Variants in ZNF787 observed in about 807,000 individuals in gnomAD.
ZNF787 encodes the protein zinc finger protein 787, also known as TTF-I-interacting peptide 20.
In ZNF787, 7 loss-of-function variants were observed where a neutral mutation model predicts 16.9. The observed-to-expected ratio is 0.42, with a 90% confidence interval of 0.24 to 0.78. The LOEUF is 0.78. Ranked by LOEUF, ZNF787 falls within the 30% of genes least tolerant of loss-of-function variation. The probability of loss-of-function intolerance (pLI) is 0.30; values close to 1 mark genes in which losing one functional copy is unlikely to be tolerated. For synonymous variants in ZNF787, 345 were observed against 270.9 expected, an observed-to-expected ratio of 1.27 and a Z score of -2.69; for missense variants, 551 against 589.3, an observed-to-expected ratio of 0.94 and a Z score of 0.67.
chr19:56,089,529 T>G (rs1482567592), intron 2 of ZNF787, among the ~76,000 whole-genome samples: 2 of 152,148 alleles, frequency 1.3e-5, no homozygotes, highest in Non-Finnish European at 2.9e-5. Context: ...AATGCAGCCC[T>G]GGACACCTGG....
rs1262610448 is a variant in ZNF787, at chr19:56,088,183, G to A, written c.989C>T (p.Ala330Val). Residue 330 changes from alanine (A) to valine (V), a missense_variant, in exon 3 of 3, where the codon GCC (alanine) becomes GTC (valine). Physicochemically the swap from Ala to Val is moderately conservative, Grantham distance 64. Transcript: ENST00000610935. This position sits in a 1 kb window ranked among gnomAD's most constrained non-coding sequence, Gnocchi z 8.6. ...VECGEGFVQG[A>V]ALRRHKKIHA... The stretch of plus-strand genomic sequence containing the variant: ...GATCTTCTTGTGTCTCCGGAGCGCG[G>A]CGCCCTGCACGAAGCCCTCCCCGCA... 4 of 1,545,884 alleles carry A rather than the reference G, an allele frequency of 2.6e-6. No homozygotes were observed. Among genetic ancestry groups the A allele is most frequent in the South Asian group, 2.3e-5 (2 of 85,476 alleles).
intron 2 of ZNF787, among the ~76,000 whole-genome samples, chr19:56,093,411 A>G (rs1985739884): frequency 6.6e-6 from 1 of 152,084 alleles, no homozygotes; most frequent in Admixed American, 6.5e-5. Context: ...TCAGGGTAAC[A>G]ATGCTACTGC....
At chr19:56,110,168 C>T (rs895352755) in intron 1 of ZNF787, among the ~76,000 whole-genome samples, 1 of 152,038 alleles carries the variant, frequency 6.6e-6, no homozygotes, top group Non-Finnish European at 1.5e-5. Flanking sequence ...AAGACCAGCC[C>T]GGCCAATATG....
chr19:56,100,791 G>A (rs368564256), intron 2 of ZNF787, among the ~76,000 whole-genome samples: 2 of 148,616 alleles, frequency 1.3e-5, no homozygotes, highest in Admixed American at 6.7e-5. Context: ...GCACGTAAGC[G>A]GGACCCCACA....
At chr19:56,099,349 G>A (rs1986001917) in intron 2 of ZNF787, among the ~76,000 whole-genome samples, 1 of 152,224 alleles carries the variant, frequency 6.6e-6, no homozygotes, top group African/African-American at 2.4e-5. Flanking sequence ...GGCACGCAGG[G>A]GAGGGGACAT....
At chr19:56,092,795 ACC>A (rs1052533183) in intron 2 of ZNF787, among the ~76,000 whole-genome samples, 1 of 151,720 alleles carries the variant, frequency 6.6e-6, no homozygotes, top group Non-Finnish European at 1.5e-5. Flanking sequence ...GAACTGGGAT[ACC>A]CCATAGACGC....
rs1476277559 is a variant in ZNF787, at chr19:56,088,485, C to T, written c.687G>A (p.Ala229=). 1.0e-5 allele frequency: 14 copies of T among 1,349,516 alleles called. No homozygotes were observed. Among genetic ancestry groups the T allele is most frequent in the Admixed American group, 3.9e-5 (1 of 25,916 alleles). The allele number at this position is 1,349,516 out of a possible 1,614,324, so 83.6% of individuals were successfully genotyped here. ...RAKGPEEAVA[A]DGEIAIPVGD... Reference sequence around the variant, plus strand: ...CCACGGGGATGGCGATCTCGCCGTCCGCCGCCACCGCCTCTTCGGGCCCCT... The same window carrying T: ...CCACGGGGATGGCGATCTCGCCGTCTGCCGCCACCGCCTCTTCGGGCCCCT... Residue 229 remains alanine (A), a synonymous_variant, in exon 3 of 3, where the codon GCG becomes GCA. Coordinates refer to ENST00000610935, the MANE Select transcript of ZNF787 (RefSeq NM_001002836.4). This position sits in a 1 kb window ranked among gnomAD's most constrained non-coding sequence, Gnocchi z 8.6.
chr19:56,119,787 G>C (rs552298226), intron 1 of ZNF787, among the ~76,000 whole-genome samples: 295 of 152,380 alleles, frequency 1.9e-3, no homozygotes, highest in African/African-American at 6.8e-3. Flanking sequence ...GGCCGTGCGT[G>C]GCCGGAGGAC....
In ZNF787 at chr19:56,098,576, G is replaced by A. The variant is rs534821085; in HGVS notation, c.79+4563C>T. Among the ~76,000 whole-genome samples, 703 of 142,702 alleles carry A rather than the reference G, an allele frequency of 4.9e-3. 34 individuals carry two copies. The highest frequency in any genetic ancestry group is 0.019 in the African/African-American group (658 of 35,350). The allele number at this position is 142,702 out of a possible 152,430, so 93.6% of individuals were successfully genotyped here. Reference sequence around the variant, plus strand: ...CCGGGTGATGGAGCCTAGGTGATACGGCCACCAGGTGATTACGGCCGCAGG... The same window carrying A: ...CCGGGTGATGGAGCCTAGGTGATACAGCCACCAGGTGATTACGGCCGCAGG... On this transcript the variant is annotated intron_variant, in intron 2 of 2. Transcript: ENST00000610935.
intron 2 of ZNF787, among the ~76,000 whole-genome samples, chr19:56,096,260 A>T (rs1204910299): frequency 8.3e-4 from 86 of 103,296 alleles, no homozygotes; most frequent in African/African-American, 3.4e-3. Context: ...AAATAAAAAA[A>T]ATAAAAAAAC....
chr19:56,099,048 C>G (rs2123403492), intron 2 of ZNF787, among the ~76,000 whole-genome samples: 1 of 152,302 alleles, frequency 6.6e-6, no homozygotes, highest in African/African-American at 2.4e-5. Flanking sequence ...GAGAGGCCAC[C>G]CTGGATCTGT....
chr19:56,088,160 T>C lies in ZNF787; in HGVS notation c.1012A>G (p.Ile338Val), dbSNP rs2123384545. The change falls in exon 3 of 3, where the codon ATC (isoleucine) becomes GTC (valine). Residue 338 changes from isoleucine to valine, a missense_variant. Ile to Val is a conservative substitution (Grantham distance 29, BLOSUM62 3). Coordinates refer to ENST00000610935, the MANE Select transcript of ZNF787 (RefSeq NM_001002836.4). This position sits in a 1 kb window ranked among gnomAD's most constrained non-coding sequence, Gnocchi z 8.6. The stretch of plus-strand genomic sequence containing the variant: ...ACCGAGGGCGCGCCCACCGCGTGGA[T>C]CTTCTTGTGTCTCCGGAGCGCGGCG... ...QGAALRRHKK[I>V]HAVGAPSVCS... 1 of 1,553,934 alleles carries C rather than the reference T, an allele frequency of 6.4e-7. No individual in the cohort carries two copies. The highest frequency in any genetic ancestry group is 2.6e-5 in the East Asian group (1 of 38,644).
At chr19:56,091,533 T>TAC (rs1414092554) in intron 2 of ZNF787, among the ~76,000 whole-genome samples, 1 of 152,160 alleles carries the variant, frequency 6.6e-6, no homozygotes, top group Non-Finnish European at 1.5e-5. Flanking sequence ...ATGAGCTCTT[T>TAC]ACCTAGAACC....
At chr19:56,119,824 G>A (rs1038559216) in intron 1 of ZNF787, among the ~76,000 whole-genome samples, 3 of 152,248 alleles carry the variant, frequency 2.0e-5, no homozygotes, top group African/African-American at 4.8e-5. Context: ...AGGCAGGCAG[G>A]TGAATGTCAG....
chr19:56,093,665 T>C (rs1362495854), intron 2 of ZNF787, among the ~76,000 whole-genome samples: 1 of 152,196 alleles, frequency 6.6e-6, no homozygotes, highest in African/African-American at 2.4e-5. Flanking sequence ...GGGCTGTTGC[T>C]GGGTAGCCTG....
chr19:56,088,265 G>T lies in ZNF787; in HGVS notation c.907C>A (p.His303Asn). 7.1e-7 allele frequency: 1 copy of T among 1,417,910 alleles called. No individual in the cohort carries two copies. 87.8% of individuals were successfully genotyped at this position (1,417,910 alleles called of 1,614,324 possible). A position where few individuals can be genotyped will look rare whatever the true frequency, so the allele number is the denominator to read the frequency against. The change falls in exon 3 of 3, where the codon CAC (histidine) becomes AAC (asparagine). Residue 303 changes from histidine (H) to asparagine (N), a missense_variant. Coordinates refer to ENST00000610935, the MANE Select transcript of ZNF787 (RefSeq NM_001002836.4). The surrounding 1 kb of genome is among the most constrained non-coding windows in gnomAD (Gnocchi z 8.6). ...CCCGCCGCCCCGAGCCCGTCCCCGT[G>T]CTGGGCCCGCTGGTGCGCCAGGAGC... Reference protein sequence around the residue: ...AGLLAHQRAQHGDGLGAAGGE... With the variant: ...AGLLAHQRAQNGDGLGAAGGE...
chr19:56,114,194 G>A (rs997792042), intron 1 of ZNF787, among the ~76,000 whole-genome samples: 9 of 152,152 alleles, frequency 5.9e-5, no homozygotes, highest in African/African-American at 2.2e-4. Context: ...CCTTCCAGCT[G>A]GCCCGGATCT....
rs1341388140 is a variant in ZNF787 at position 56,088,002 on chromosome 19, C to CCTGCCCGCCCTGCCCG, written c.*20_*21insCGGGCAGGGCGGGCAG. On this transcript the variant is annotated 3_prime_UTR_variant, in exon 3 of 3. Transcript: ENST00000610935. The surrounding 1 kb of genome is among the most constrained non-coding windows in gnomAD (Gnocchi z 8.6). The stretch of plus-strand genomic sequence containing the variant: ...GCCAAGCCCGAGGGGCCCTGCCCGC[C>CCTGCCCGCCCTGCCCG]CCCCCCCCCGGGCCCCTCCCCTACC... 4.4e-5 allele frequency: 2 copies of CCTGCCCGCCCTGCCCG among 45,538 alleles called. No individual in the cohort carries two copies. The highest frequency in any genetic ancestry group is 8.4e-5 in the Non-Finnish European group (2 of 23,934). 2.8% of individuals were successfully genotyped at this position (45,538 alleles called of 1,614,324 possible).
At chr19:56,115,696 G>A (rs978944145) in intron 1 of ZNF787, among the ~76,000 whole-genome samples, 4 of 151,914 alleles carry the variant, frequency 2.6e-5, no homozygotes, top group Non-Finnish European at 2.9e-5. Context: ...CGTCTTCCTC[G>A]GGGGCATCAG....
Sources: allele counts gnomAD v4.1 joint callset (sites outside exome capture counted in the v4.1 genomes callset), GRCh38; gene constraint gnomAD v4.1.1; non-coding constraint Gnocchi (gnomAD v3.1); transcripts MANE v1.5; gene names NCBI Gene and HGNC (gene_info 2026-07-23, HGNC 2026-07-21).